Variants in SLC35F4 observed in about 807,000 individuals in gnomAD.
The protein encoded by SLC35F4 is chromosome 14 open reading frame 36.
A neutral mutation model predicts 44.2 loss-of-function variants in SLC35F4; 24 were observed. The observed-to-expected ratio is 0.54, with a 90% CI of 0.39 to 0.76. SLC35F4 has a LOEUF of 0.76. Among genes scored for constraint, SLC35F4 ranks in the 30% least tolerant of loss-of-function variants. The probability of loss-of-function intolerance (pLI) is 0.00; values close to 1 mark genes in which losing one functional copy is unlikely to be tolerated. For missense variants in SLC35F4, 562 were observed against 586.1 expected (o/e 0.96, Z 0.42); for synonymous variants, 238 against 223.6 (o/e 1.06, Z -0.57).
intron 1 of SLC35F4, among the ~76,000 whole-genome samples, chr14:57,728,966 T>C (rs945265660): frequency 6.6e-6 from 1 of 152,182 alleles, no homozygotes; most frequent in African/African-American, 2.4e-5. Flanking sequence ...TTCAGCACTT[T>C]AAATATGTAA....
chr14:57,665,146 C>T (rs564065888), intron 1 of SLC35F4, among the ~76,000 whole-genome samples: 1 of 151,894 alleles, frequency 6.6e-6, no homozygotes, highest in South Asian at 2.1e-4. Context: ...CACCACCCCG[C>T]ACACACACAC....
At chr14:57,964,999 T>C (rs1312414246) in intron 1 of SLC35F4, among the ~76,000 whole-genome samples, 1 of 144,022 alleles carries the variant, frequency 6.9e-6, no homozygotes, top group African/African-American at 2.6e-5. Context: ...AAAATATATA[T>C]ATATATATAT....
chr14:57,583,419 C>CTGAT (rs1308007166), intron 3 of SLC35F4, among the ~76,000 whole-genome samples: 2 of 152,120 alleles, frequency 1.3e-5, no homozygotes, highest in Non-Finnish European at 2.9e-5. Flanking sequence ...AAACCCATTC[C>CTGAT]TGATTAAAGG....
chr14:57,750,895 T>G (rs1443063447), intron 1 of SLC35F4, among the ~76,000 whole-genome samples: 14 of 152,188 alleles, frequency 9.2e-5, no homozygotes, highest in Admixed American at 7.9e-4. Context: ...ACTTTTGTTG[T>G]GATGGCTGGT....
intron 1 of SLC35F4, among the ~76,000 whole-genome samples, chr14:57,936,598 G>A (rs1889800826): frequency 6.6e-6 from 1 of 152,244 alleles, no homozygotes; most frequent in South Asian, 2.1e-4. Flanking sequence ...TTGGCATCTA[G>A]TGGGTAGAGG....
intron 4 of SLC35F4, among the ~76,000 whole-genome samples, chr14:57,576,373 G>A (rs945089166): frequency 1.3e-5 from 2 of 152,132 alleles, no homozygotes; most frequent in African/African-American, 4.8e-5. Flanking sequence ...TAAAAATGCA[G>A]ATCTCAGACC....
intron 1 of SLC35F4, among the ~76,000 whole-genome samples, chr14:57,861,841 C>A (rs995324224): frequency 6.6e-6 from 1 of 152,174 alleles, no homozygotes; most frequent in Non-Finnish European, 1.5e-5. Context: ...TTCTCCTGAA[C>A]CTCTTAATGT....
At chr14:57,700,418 G>A (rs891643212) in intron 1 of SLC35F4, among the ~76,000 whole-genome samples, 2 of 152,108 alleles carry the variant, frequency 1.3e-5, no homozygotes, top group Non-Finnish European at 2.9e-5. Context: ...TGAAGTCCTA[G>A]GACATTACTG....
At chr14:57,815,774 A>G (rs1360044201) in intron 1 of SLC35F4, among the ~76,000 whole-genome samples, 1 of 152,170 alleles carries the variant, frequency 6.6e-6, no homozygotes. Context: ...ACTAGCCGAG[A>G]AGACCAGTGT....
intron 1 of SLC35F4, among the ~76,000 whole-genome samples, chr14:57,981,368 G>A (rs1280972772): frequency 2.6e-5 from 4 of 152,148 alleles, no homozygotes; most frequent in Non-Finnish European, 5.9e-5. Context: ...ATGGGTGCTT[G>A]GGTGCTTATT....
intron 5 of SLC35F4, among the ~76,000 whole-genome samples, chr14:57,570,657 A>G (rs2035747544): frequency 1.3e-5 from 2 of 152,156 alleles, no homozygotes; most frequent in Admixed American, 6.5e-5. Flanking sequence ...CACTCCCTAT[A>G]CTAATCCTGT....
At chr14:57,797,878 GACTC>G (rs974077689) in intron 1 of SLC35F4, among the ~76,000 whole-genome samples, 18 of 152,176 alleles carry the variant, frequency 1.2e-4, no homozygotes, top group Middle Eastern at 3.4e-3. Flanking sequence ...TTGGCCACGT[GACTC>G]ACTATGACCA....
At chr14:57,573,825 G>T (rs1470193297) in intron 4 of SLC35F4, among the ~76,000 whole-genome samples, 1 of 152,132 alleles carries the variant, frequency 6.6e-6, no homozygotes, top group Non-Finnish European at 1.5e-5. Flanking sequence ...TGAACTGACG[G>T]GATAATACAT....
intron 1 of SLC35F4, among the ~76,000 whole-genome samples, chr14:57,943,401 C>T (rs1889950884): frequency 6.6e-6 from 1 of 152,230 alleles, no homozygotes. Flanking sequence ...CTATTAAGTA[C>T]ATTTCTCCCA....
At chr14:57,860,539 C>T (rs1329240555) in intron 1 of SLC35F4, among the ~76,000 whole-genome samples, 1 of 152,152 alleles carries the variant, frequency 6.6e-6, no homozygotes, top group Non-Finnish European at 1.5e-5. Flanking sequence ...TCCCAGGTCT[C>T]AGAGCCAGTT....
At chr14:57,887,996 T>C (rs1349552103) in intron 1 of SLC35F4, among the ~76,000 whole-genome samples, 1 of 152,196 alleles carries the variant, frequency 6.6e-6, no homozygotes, top group Non-Finnish European at 1.5e-5. Context: ...GCAGATTTAT[T>C]GGACCCAGGA....
chr14:57,647,107 G>T (rs976214265), intron 1 of SLC35F4, among the ~76,000 whole-genome samples: 4 of 152,060 alleles, frequency 2.6e-5, no homozygotes, highest in African/African-American at 9.7e-5. Flanking sequence ...TGTTGACTTG[G>T]GGTGGAGAGT....
At chr14:57,658,275 T>A (rs868859614) in intron 1 of SLC35F4, among the ~76,000 whole-genome samples, 2 of 152,194 alleles carry the variant, frequency 1.3e-5, no homozygotes, top group Non-Finnish European at 2.9e-5. Context: ...TGATATAATA[T>A]GAAATATTTT....
intron 1 of SLC35F4, among the ~76,000 whole-genome samples, chr14:57,804,338 G>A (rs1015165436): frequency 1.3e-5 from 2 of 152,160 alleles, no homozygotes; most frequent in East Asian, 3.8e-4. Context: ...AAAGAACAAT[G>A]CTGGAGGCAT....
Sources: allele counts gnomAD v4.1 joint callset (sites outside exome capture counted in the v4.1 genomes callset), GRCh38; gene constraint gnomAD v4.1.1; transcripts MANE v1.5; gene names NCBI Gene and HGNC (gene_info 2026-07-23, HGNC 2026-07-21).